The following RENBP variants were observed in gnomAD, a reference collection of about 807,000 sequenced individuals.
The protein encoded by RENBP is renin binding protein, also known as N-acylglucosamine 2-epimerase.
In RENBP, 16 loss-of-function variants were observed where a neutral mutation model predicts 37.8. The ratio of observed to expected loss-of-function variants is 0.42; its 90% CI spans 0.29 to 0.64. RENBP has a LOEUF of 0.64. RENBP is among the 30% of genes least tolerant of loss of function. RENBP has a pLI of 0.19. For missense variants in RENBP, 347 were observed against 379.5 expected (o/e 0.91, Z 0.71); for synonymous variants, 170 against 154.8 (o/e 1.10, Z -0.73).
At chrX:153,937,937 A>G (rs4898463) in intron 9 of RENBP, among the ~76,000 whole-genome samples, 41,895 of 109,189 alleles carry the variant, frequency 0.38, 8,079 homozygotes, top group East Asian at 0.73. Flanking sequence ...CGCCATGTTG[A>G]CCAGGCTGGT....
In RENBP at chrX:153,935,483, A is replaced by G. The variant is rs1557108351; in HGVS notation, c.1165+6T>C. The G allele has an allele frequency of 8.3e-7, 1 of 1,201,774 alleles. No individual in the cohort carries two copies. Among genetic ancestry groups the G allele is most frequent in the Admixed American group, 2.2e-5 (1 of 45,915 alleles). On this transcript the variant is annotated splice_donor_region_variant and intron_variant, in intron 10 of 10. Transcript: ENST00000393700. Reference sequence around the variant, plus strand: ...CCCCTGCGGCCCCGCCCTCTCCCCCACTCACCTTTGAAAGGACCTCCCTTG... The same window carrying G: ...CCCCTGCGGCCCCGCCCTCTCCCCCGCTCACCTTTGAAAGGACCTCCCTTG...
Position 153,943,553 on chromosome X carries a change from C to G in RENBP, c.455G>C (p.Arg152Pro). ...NELWRATGEVRYQTEAVEMMD... is the reference protein window; with the variant it reads ...NELWRATGEVPYQTEAVEMMD... ...CACCCTCCTCTCACACACCTGGTAC[C>G]GCACTTCCCCTGTGGCTCTCCACAG... The change falls in exon 5 of 11, where the codon CGG (arginine) becomes CCG (proline). Residue 152 changes from arginine (R) to proline (P), a missense_variant. Coordinates refer to ENST00000393700, the MANE Select transcript of RENBP (RefSeq NM_002910.6). The G allele has an allele frequency of 8.3e-7, 1 of 1,207,408 alleles. No homozygotes were observed. The highest frequency in any genetic ancestry group is 1.1e-6 in the Non-Finnish European group (1 of 892,552).
At chrX:153,938,496 T>C (rs782614780) in intron 9 of RENBP, among the ~76,000 whole-genome samples, 4 of 112,412 alleles carry the variant, frequency 3.6e-5, no homozygotes, top group African/African-American at 1.3e-4. Flanking sequence ...TAGAAACGCA[T>C]GATGAATCTT....
Position 153,938,697 on chromosome X carries a change from C to T in RENBP, c.1077+1405G>A, listed in dbSNP as rs183630942. Reference sequence around the variant, plus strand: ...TTCAGGGAGCCCCTGGCTTGGTTTTCTTCCTGCGTCACCACTGATTCTTGT... The same window carrying T: ...TTCAGGGAGCCCCTGGCTTGGTTTTTTTCCTGCGTCACCACTGATTCTTGT... On this transcript the variant is annotated intron_variant, in intron 9 of 10. Coordinates refer to ENST00000393700, the MANE Select transcript of RENBP (RefSeq NM_002910.6). 7.0e-3 allele frequency among the ~76,000 whole-genome samples: 774 copies of T among 110,405 alleles called. 6 individuals are homozygous for T. Among genetic ancestry groups the T allele is most frequent in the African/African-American group, 0.024 (719 of 30,273 alleles).
intron 9 of RENBP, among the ~76,000 whole-genome samples, chrX:153,939,691 C>T (rs781967953): frequency 4.5e-5 from 5 of 111,439 alleles, no homozygotes; most frequent in South Asian, 3.8e-4. Context: ...TGCCTTTATC[C>T]TCCCGGGCTG....
chrX:153,940,843 T>C (rs2065222739), intron 8 of RENBP, among the ~76,000 whole-genome samples: 1 of 111,299 alleles, frequency 9.0e-6, no homozygotes, highest in South Asian at 3.8e-4. Flanking sequence ...GAAATAAGCA[T>C]AAAAATGGGC....
chrX:153,942,230 GTTTTTT>G (rs782716689), intron 6 of RENBP, 199 bp from the exon 7 acceptor site: 2 of 96,102 alleles, frequency 2.1e-5, no homozygotes, highest in Non-Finnish European at 1.7e-5. Flanking sequence ...GCAAGTTGTT[GTTTTTT>G]TTTTTTTTTT....
Position 153,943,504 on chromosome X carries a change from G to A in RENBP, c.462+42C>T, listed in dbSNP as rs782310563. The A allele has an allele frequency of 6.0e-6, 7 of 1,164,631 alleles. No individual in the cohort carries two copies. In the South Asian group the frequency reaches 1.3e-4, roughly 22 times the overall value. On this transcript the variant is annotated intron_variant, in intron 5 of 10. Coordinates refer to ENST00000393700, the MANE Select transcript of RENBP (RefSeq NM_002910.6). ...GAATGCATCAGGTGGCCATGGCAGGGTCGCAGGGTGGGGTCTTCAGGGGCA... is the reference window on the plus strand; with the variant it reads ...GAATGCATCAGGTGGCCATGGCAGGATCGCAGGGTGGGGTCTTCAGGGGCA...
intron 9 of RENBP, chrX:153,936,117 A>C (rs781839559): frequency 8.0e-6 from 1 of 124,862 alleles, no homozygotes; most frequent in Admixed American, 9.0e-5. Flanking sequence ...TGGGTGACAG[A>C]GCGAGACTCC....
intron 9 of RENBP, among the ~76,000 whole-genome samples, chrX:153,935,840 G>GTCTA (rs1292780211): frequency 1.8e-5 from 2 of 112,449 alleles, no homozygotes; most frequent in Non-Finnish European, 3.8e-5. Flanking sequence ...TAGAAACGTT[G>GTCTA]TCTATCGGGC....
intron 8 of RENBP, 143 bp from the exon 9 acceptor site, chrX:153,940,376 T>C: frequency 1.5e-6 from 1 of 686,174 alleles, no homozygotes; most frequent in Non-Finnish European, 2.2e-6. Context: ...CTCCCAGTGA[T>C]ATCAGCTTCC....
At position 153,942,984 on chromosome X, in the gene RENBP, C is replaced by T. The variant is rs369462980; in HGVS notation, c.558G>A (p.Ala186=). ...GCATCATGGGCACCGCCATGGGCTC[C>T]GCAGCCGGGGCCCCCTGGAGCTGGG... is the stretch of plus-strand genomic sequence containing the variant. ...GRPQLQGAPA[A]EPMAVPMMLL... Residue 186 remains alanine (A), a synonymous_variant, in exon 6 of 11, where the codon GCG becomes GCA. Transcript: ENST00000393700. 3.6e-4 allele frequency: 436 copies of T among 1,208,844 alleles called. No homozygotes were observed. Among genetic ancestry groups the T allele is most frequent in the South Asian group, 1.2e-3 (67 of 56,844 alleles).
chrX:153,941,621 G>A lies in RENBP; in HGVS notation c.802C>T (p.Arg268Cys), dbSNP rs1299826345. 9.5e-5 allele frequency: 113 copies of A among 1,192,793 alleles called. No homozygotes were observed. Among genetic ancestry groups the A allele is most frequent in the Non-Finnish European group, 1.2e-4 (110 of 887,999 alleles). Residue 268 changes from arginine to cysteine, a missense_variant, in exon 8 of 11, where the codon CGT becomes TGT. Coordinates refer to ENST00000393700, the MANE Select transcript of RENBP (RefSeq NM_002910.6). Reference sequence around the variant, plus strand: ...GGGTCGCCTTTCCGAATGCAATGACGGAGCAGAAACCAGCCGGCTTCCAGC... The same window carrying A: ...GGGTCGCCTTTCCGAATGCAATGACAGAGCAGAAACCAGCCGGCTTCCAGC... ...HTLEAGWFLL[R>C]HCIRKGDPEL...
chrX:153,944,535 C>T (rs2065241414), intron 1 of RENBP, 49 bp downstream of exon 1: 3 of 1,169,742 alleles, frequency 2.6e-6, no homozygotes, highest in African/African-American at 3.6e-5. Context: ...ACGTCACCAT[C>T]CCCGGGACCC....
intron 9 of RENBP, chrX:153,936,006 G>A (rs781993628): frequency 4.7e-6 from 1 of 210,625 alleles, no homozygotes; most frequent in East Asian, 1.7e-4. Context: ...GCACGCACTT[G>A]TAATCCCAGC....
At chrX:153,937,632 T>A (rs994314130) in intron 9 of RENBP, among the ~76,000 whole-genome samples, 2 of 107,846 alleles carry the variant, frequency 1.9e-5, no homozygotes, top group South Asian at 4.1e-4. Context: ...TTTTTTTATT[T>A]TTTATTTTTT....
chrX:153,939,820 G>GC (rs1201043727), intron 9 of RENBP, among the ~76,000 whole-genome samples: 1 of 107,942 alleles, frequency 9.3e-6, no homozygotes, highest in Non-Finnish European at 1.9e-5. Context: ...ATAGGAAAGA[G>GC]CCCCCCCACA....
intron 7 of RENBP, 89 bp downstream of exon 7, chrX:153,941,861 C>G (rs782171873): frequency 1.2e-5 from 11 of 898,993 alleles, no homozygotes; most frequent in Non-Finnish European, 1.8e-5. Flanking sequence ...CAAGGCGCCC[C>G]CGCCAGGCAC....
chrX:153,944,354 C>T lies in RENBP; in HGVS notation c.92G>A (p.Arg31His), dbSNP rs1352366631. The change falls in exon 2 of 11, where the codon CGC (arginine) becomes CAC (histidine). Residue 31 changes from arginine (R) to histidine (H), a missense_variant. By Grantham distance (29) the Arg-to-His change is conservative. This residue lies in a region of RENBP where 244 missense variants were observed against 279.4 expected (regional missense o/e 0.87). Transcript: ENST00000393700. ...WKERVGQELD[R>H]VVAFWMEHSH... is the part of the protein sequence containing the mutation. Reference sequence around the variant, plus strand: ...GTGCTCCATCCAGAAAGCCACCACGCGGTCCAGCTCCTGCCCCACGCGCTC... The same window carrying T: ...GTGCTCCATCCAGAAAGCCACCACGTGGTCCAGCTCCTGCCCCACGCGCTC... The T allele has an allele frequency of 1.2e-5, 14 of 1,209,789 alleles. No homozygotes were observed. Among genetic ancestry groups the T allele is most frequent in the Middle Eastern group, 2.3e-4 (1 of 4,346 alleles).
Sources: allele counts gnomAD v4.1 joint callset (sites outside exome capture counted in the v4.1 genomes callset), GRCh38; gene constraint gnomAD v4.1.1; regional missense constraint gnomAD v4.1.1; transcripts MANE v1.5; gene names NCBI Gene and HGNC (gene_info 2026-07-23, HGNC 2026-07-21).